SYNE1: variants seen among roughly 807,000 people sequenced by gnomAD.
SYNE1 encodes the protein nesprin-1.
Under a neutral mutation model 1,111.0 loss-of-function variants are expected in SYNE1, and 616 were observed. The ratio of observed to expected loss-of-function variants is 0.55; its 90% confidence interval spans 0.52 to 0.59. The LOEUF (loss-of-function observed/expected upper bound fraction) is 0.59. Among genes scored for constraint, SYNE1 ranks in the 20% least tolerant of loss-of-function variants. The pLI is 0.00. For synonymous variants in SYNE1, 3,855 were observed against 3,825.8 expected, an observed-to-expected ratio of 1.01 and a Z score of -0.28; for missense variants, 10,006 against 10,417.0, an observed-to-expected ratio of 0.96 and a Z score of 1.72.
chr6:152,294,096 T>C lies in SYNE1; in HGVS notation c.17714A>G (p.Glu5905Gly). ...TTTTGCAGCATCTGTCTGCAACCTC[T>C]CAGCAGACAAGGCTTGGTAATATGC... The part of the protein sequence containing the change: ...DIAYYQALSA[E>G]RLQTDAAKIH... Residue 5905 changes from glutamate (E) to glycine (G), a missense_variant, in exon 94 of 146, where the codon GAG becomes GGG. Glu to Gly is a moderately conservative substitution (Grantham distance 98, BLOSUM62 -2). Around this residue, in one of 7 missense-constraint regions of SYNE1, gnomAD observed 4,955 missense variants for 5,017.2 expected, o/e 0.99. Coordinates refer to ENST00000367255, the MANE Select transcript of SYNE1 (RefSeq NM_182961.4). The C allele has an allele frequency of 1.2e-6, 2 of 1,613,778 alleles. No homozygotes were observed. The highest frequency in any genetic ancestry group is 1.7e-6 in the Non-Finnish European group (2 of 1,179,982).
intron 4 of SYNE1, among the ~76,000 whole-genome samples, chr6:152,526,409 AG>A (rs2099163925): frequency 1.3e-5 from 2 of 152,208 alleles, no homozygotes; most frequent in South Asian, 4.1e-4. Flanking sequence ...TTAATGCTTG[AG>A]CCTTAATGTA....
At chr6:152,578,517 A>G (rs180866191) in intron 3 of SYNE1, among the ~76,000 whole-genome samples, 367 of 152,222 alleles carry the variant, frequency 2.4e-3, no homozygotes, top group African/African-American at 8.1e-3. Context: ...TCACTTGAAC[A>G]TGGGAGGCAG....
chr6:152,191,317 C>T (rs1409786949), intron 127 of SYNE1, among the ~76,000 whole-genome samples: 1 of 151,382 alleles, frequency 6.6e-6, no homozygotes, highest in Non-Finnish European at 1.5e-5. Context: ...GGAAGTATTC[C>T]CTCCTCCTCT....
At chr6:152,136,871 T>G (rs1389716474) in intron 140 of SYNE1, 53 bp from the exon 141 acceptor site, 1 of 1,588,898 alleles carries the variant, frequency 6.3e-7, no homozygotes, top group African/African-American at 1.3e-5. Context: ...CAAAGATATT[T>G]TCCCTTGAAA....
At chr6:152,520,380 A>AGT (rs2099132919) in intron 6 of SYNE1, 79 bp downstream of exon 6, 80 of 1,339,984 alleles carry the variant, frequency 6.0e-5, no homozygotes, top group Non-Finnish European at 8.0e-5. Flanking sequence ...CTATCTGACT[A>AGT]CAGATAGGAG....
At chr6:152,481,355 G>A (rs974203705) in intron 14 of SYNE1, among the ~76,000 whole-genome samples, 3 of 151,966 alleles carry the variant, frequency 2.0e-5, no homozygotes, top group Non-Finnish European at 4.4e-5. Context: ...CCTATTTGCT[G>A]AATTAACGTA....
intron 49 of SYNE1, 39 bp from the exon 50 acceptor site, chr6:152,397,019 T>G: frequency 6.3e-7 from 1 of 1,593,396 alleles, no homozygotes; most frequent in Non-Finnish European, 8.6e-7. Context: ...CATGGGACTA[T>G]GCATTACAAT....
chr6:152,462,101 A>C (rs1213823643), intron 20 of SYNE1, among the ~76,000 whole-genome samples: 1 of 152,090 alleles, frequency 6.6e-6, no homozygotes, highest in African/African-American at 2.4e-5. Context: ...TCGTTAAAAA[A>C]AAAAAAAGTA....
chr6:152,347,028 T>C, intron 73 of SYNE1, 31 bp downstream of exon 73: 1 of 1,612,928 alleles, frequency 6.2e-7, no homozygotes, highest in South Asian at 1.1e-5. Context: ...CATAATTCCT[T>C]GTCACTGTGG....
At chr6:152,290,656 TA>T (rs2094559696) in intron 95 of SYNE1, among the ~76,000 whole-genome samples, 1 of 152,164 alleles carries the variant, frequency 6.6e-6, no homozygotes. Context: ...AGGAAAAATG[TA>T]GGAATTAGGT....
chr6:152,143,792 A>C (rs1333596667), intron 137 of SYNE1, 27 bp from the exon 138 acceptor site: 1 of 1,614,186 alleles, frequency 6.2e-7, no homozygotes, highest in South Asian at 1.1e-5. Context: ...AAGAATCTTT[A>C]CTGGACAAAC....
intron 138 of SYNE1, among the ~76,000 whole-genome samples, chr6:152,142,072 C>A (rs1586016740): frequency 6.6e-6 from 1 of 151,380 alleles, no homozygotes; most frequent in East Asian, 1.9e-4. Flanking sequence ...GAGACCCTGT[C>A]TCTTAAAAAA....
chr6:152,512,673 T>C lies in SYNE1; in HGVS notation c.310-1570A>G, dbSNP rs368018316. Among the ~76,000 whole-genome samples the C allele has an allele frequency of 1.4e-3, 206 of 152,332 alleles. 1 individual carries two copies. The highest frequency in any genetic ancestry group is 4.6e-3 in the African/African-American group (191 of 41,582). On this transcript the variant is annotated intron_variant, in intron 6 of 145. Coordinates refer to ENST00000367255, the MANE Select transcript of SYNE1 (RefSeq NM_182961.4). ...TTGTACATTGTTAACATATTCAATT[T>C]ATTACAGAAGCTAAAGGATCTTTTG...
Position 152,326,335 on chromosome 6 carries a change from A to G in SYNE1, c.15254T>C (p.Met5085Thr), listed in dbSNP as rs750676780. ...CACTTGGGCACCAGAGTCCCGGCTCATCCTCTGGCTCCTGAGTTCCAGAGA... is the reference window on the plus strand; with the variant it reads ...CACTTGGGCACCAGAGTCCCGGCTCGTCCTCTGGCTCCTGAGTTCCAGAGA... ...VASLELRSQR[M>T]SRDSGAQVDL... Residue 5085 changes from methionine to threonine, a missense_variant, in exon 79 of 146, where the codon ATG (methionine) becomes ACG (threonine). By Grantham distance (81) the Met-to-Thr change is moderately conservative. Around this residue, in one of 7 missense-constraint regions of SYNE1, gnomAD observed 4,955 missense variants for 5,017.2 expected, o/e 0.99. Coordinates refer to ENST00000367255, the MANE Select transcript of SYNE1 (RefSeq NM_182961.4). 12 of 1,614,024 alleles carry G rather than the reference A, an allele frequency of 7.4e-6. No homozygotes were observed. The East Asian group carries it at 2.4e-4, about 33-fold the overall frequency.
At chr6:152,536,831 G>A (rs931914492) in intron 4 of SYNE1, among the ~76,000 whole-genome samples, 1 of 151,836 alleles carries the variant, frequency 6.6e-6, no homozygotes, top group East Asian at 1.9e-4. Context: ...CTCCATTTAA[G>A]CTTAGAACTC....
rs554884876 is a variant in SYNE1 at position 152,242,152 on chromosome 6, A to G, written c.19893+88T>C. On this transcript the variant is annotated intron_variant, in intron 107 of 145. Transcript: ENST00000367255. ...AAGTAAGAACTCATAAAAGACTGAG[A>G]ATATTAGGTTTTACTAAATATATAT... 10 of 1,277,698 alleles carry G rather than the reference A, an allele frequency of 7.8e-6. No homozygotes were observed. The South Asian group carries it at 1.1e-4, about 14-fold the overall frequency. The allele number at this position is 1,277,698 out of a possible 1,614,324, so 79.1% of individuals were successfully genotyped here.
At chr6:152,243,344 T>C (rs754310246) in intron 106 of SYNE1, among the ~76,000 whole-genome samples, 14 of 152,232 alleles carry the variant, frequency 9.2e-5, no homozygotes, top group Middle Eastern at 3.4e-3. Flanking sequence ...CAGAAAGAGT[T>C]TCAAACTTAA....
rs201413372 is a variant in SYNE1, at chr6:152,614,862, CTCAGCAAACTA to C, written c.67+13392_67+13402del. ...ATGGATGAAGCTGGAAACCATCATTCTCAGCAAACTATCACAAAGACAGAAAACCAAATACC... is the reference window on the plus strand; with the variant it reads ...ATGGATGAAGCTGGAAACCATCATTCTCACAAAGACAGAAAACCAAATACC... On this transcript the variant is annotated intron_variant, in intron 3 of 145. Transcript: ENST00000367255. 2.6e-5 allele frequency among the ~76,000 whole-genome samples: 4 copies of C among 152,286 alleles called. No individual in the cohort carries two copies. The East Asian group carries it at 7.7e-4, about 29-fold the overall frequency.
chr6:152,523,154 GT>G (rs917792035), intron 5 of SYNE1, among the ~76,000 whole-genome samples: 1 of 150,628 alleles, frequency 6.6e-6, no homozygotes, highest in South Asian at 2.1e-4. Context: ...TTTTCTTCTA[GT>G]TTTTTTTTCT....
Sources: allele counts gnomAD v4.1 joint callset (sites outside exome capture counted in the v4.1 genomes callset), GRCh38; gene constraint gnomAD v4.1.1; regional missense constraint gnomAD v4.1.1; transcripts MANE v1.5; gene names NCBI Gene and HGNC (gene_info 2026-07-23, HGNC 2026-07-21).